CAST: variants seen among roughly 807,000 people sequenced by gnomAD.
The protein encoded by CAST is MIR583 host.
A neutral mutation model predicts 119.6 loss-of-function variants in CAST; 76 were observed. The observed-to-expected ratio is 0.64, with a 90% CI of 0.53 to 0.77. The LOEUF (loss-of-function observed/expected upper bound fraction) is 0.77, where lower values mean the gene tolerates loss of function less well. Ranked by LOEUF, CAST falls within the 30% of genes least tolerant of loss-of-function variation. CAST has a pLI of 0.00. For missense variants in CAST, 953 were observed against 946.5 expected (o/e 1.01, Z -0.09); for synonymous variants, 319 against 331.6 (o/e 0.96, Z 0.41).
At chr5:96,578,541 G>GA (rs538649854) in intron 1 of CAST, among the ~76,000 whole-genome samples, 5 of 150,202 alleles carry the variant, frequency 3.3e-5, no homozygotes, top group East Asian at 1.9e-4. Context: ...GGTTACTTCA[G>GA]AAAAAAAAAT....
chr5:96,180,004 CAG>C, the CAST span, among the ~76,000 whole-genome samples: 1 of 150,850 alleles, frequency 6.6e-6, no homozygotes, highest in African/African-American at 2.5e-5. Context: ...GCCTGGGAGA[CAG>C]AGCGAGACTC....
the CAST span, among the ~76,000 whole-genome samples, chr5:96,038,901 T>C: frequency 1.3e-5 from 2 of 152,208 alleles, no homozygotes; most frequent in Non-Finnish European, 2.9e-5. Context: ...ATGAGATTGC[T>C]GGGTCAAATG....
chr5:96,604,356 C>T (rs574101016), intron 1 of CAST, among the ~76,000 whole-genome samples: 151 of 152,240 alleles, frequency 9.9e-4, no homozygotes, highest in South Asian at 2.3e-3. Flanking sequence ...TAAATTGGTT[C>T]CTATATTCAA....
the CAST span, among the ~76,000 whole-genome samples, chr5:96,348,072 G>A: frequency 6.6e-6 from 1 of 152,178 alleles, no homozygotes; most frequent in Non-Finnish European, 1.5e-5. Flanking sequence ...ATTGGCAGAT[G>A]CTGAGTCATT....
chr5:96,547,487 T>A (rs900093059), intron 1 of CAST, among the ~76,000 whole-genome samples: 1 of 152,240 alleles, frequency 6.6e-6, no homozygotes, highest in African/African-American at 2.4e-5. Context: ...TTGTTCTATT[T>A]GGCCCTGAAC....
chr5:96,676,912 G>A (rs1184597028), intron 2 of CAST, among the ~76,000 whole-genome samples: 3 of 151,566 alleles, frequency 2.0e-5, no homozygotes. Context: ...AAATTATCTG[G>A]GCGTGGTGGT....
chr5:96,320,228 CTTTTTTTTTT>C, the CAST span, among the ~76,000 whole-genome samples: 4 of 97,360 alleles, frequency 4.1e-5, no homozygotes, highest in East Asian at 3.5e-4. Flanking sequence ...AAGGCTTTTG[CTTTTTTTTTT>C]TTTTTTTTTT....
At chr5:96,518,452 A>C in the CAST span, among the ~76,000 whole-genome samples, 3 of 152,196 alleles carry the variant, frequency 2.0e-5, no homozygotes, top group Non-Finnish European at 4.4e-5. Flanking sequence ...ATCAGCTTTG[A>C]ATAAATTTTA....
At chr5:95,998,624 G>T in the CAST span, among the ~76,000 whole-genome samples, 3 of 152,054 alleles carry the variant, frequency 2.0e-5, no homozygotes, top group Non-Finnish European at 4.4e-5. Flanking sequence ...GTATTCCATG[G>T]TATCTGTGTA....
intron 1 of CAST, among the ~76,000 whole-genome samples, chr5:96,534,205 T>G (rs1189028158): frequency 6.6e-6 from 1 of 152,162 alleles, no homozygotes; most frequent in Non-Finnish European, 1.5e-5. Flanking sequence ...CAAATCACAT[T>G]GAATCGACAT....
the CAST span, among the ~76,000 whole-genome samples, chr5:96,474,237 G>A: frequency 0.14 from 21,167 of 152,064 alleles, 1,532 homozygotes; most frequent in Middle Eastern, 0.16. Context: ...TTATGATGCA[G>A]AACTGAGACG....
chr5:96,519,184 G>C, the CAST span, among the ~76,000 whole-genome samples: 1 of 152,320 alleles, frequency 6.6e-6, no homozygotes, highest in East Asian at 1.9e-4. Context: ...ATTTTGCACA[G>C]ATGAGTACTT....
the CAST span, among the ~76,000 whole-genome samples, chr5:96,077,892 A>G: frequency 6.6e-6 from 1 of 152,214 alleles, no homozygotes; most frequent in Non-Finnish European, 1.5e-5. Context: ...AATCTGTTTT[A>G]CTATTTCTGT....
chr5:96,197,554 T>G, the CAST span, among the ~76,000 whole-genome samples: 2 of 152,132 alleles, frequency 1.3e-5, no homozygotes, highest in Non-Finnish European at 2.9e-5. Context: ...TTTCAACACT[T>G]CTTTTTTTAA....
chr5:96,570,367 A>T lies in CAST; in HGVS notation c.60+40487A>T, dbSNP rs984447282. 5.3e-5 allele frequency among the ~76,000 whole-genome samples: 8 copies of T among 152,328 alleles called. No individual in the cohort carries two copies. The East Asian group carries it at 7.7e-4, about 15-fold the overall frequency. On this transcript the variant is annotated intron_variant, in intron 1 of 11. Transcript: ENST00000505143. Reference sequence around the variant, plus strand: ...TGGTAATCATGGAGCCATGGCCTGGATTACTGTTGTAGATATCAAGGTAAT... The same window carrying T: ...TGGTAATCATGGAGCCATGGCCTGGTTTACTGTTGTAGATATCAAGGTAAT...
chr5:96,239,462 G>A, the CAST span, among the ~76,000 whole-genome samples: 2 of 152,046 alleles, frequency 1.3e-5, no homozygotes, highest in Non-Finnish European at 2.9e-5. Flanking sequence ...TTTTTGGGGG[G>A]AGTATAAACT....
intron 1 of CAST, among the ~76,000 whole-genome samples, chr5:96,548,247 C>G (rs941456955): frequency 1.3e-5 from 2 of 152,092 alleles, no homozygotes; most frequent in African/African-American, 4.8e-5. Flanking sequence ...GACTCAGACC[C>G]CTTTTTAATC....
chr5:96,662,120 G>C (rs1748582895), upstream of CAST: 1 of 323,742 alleles, frequency 3.1e-6, no homozygotes, highest in Admixed American at 5.1e-5. Flanking sequence ...CCTTCTTTCT[G>C]ACCAACCGGG....
chr5:96,008,077 G>A, the CAST span, among the ~76,000 whole-genome samples: 2 of 152,166 alleles, frequency 1.3e-5, no homozygotes, highest in African/African-American at 4.8e-5. Flanking sequence ...CTGGCATCTT[G>A]GTCTTGGACT....
Sources: gnomAD v4.1 joint callset for allele counts (sites outside exome capture counted in the v4.1 genomes callset) on GRCh38, gnomAD v4.1.1 for gene constraint, MANE v1.5 for transcripts, NCBI Gene and HGNC (gene_info 2026-07-23, HGNC 2026-07-21) for gene names.